Variants in CNTN6 observed in about 807,000 individuals in gnomAD.
CNTN6 encodes contactin 6.
In CNTN6, 137 loss-of-function variants were observed where a neutral mutation model predicts 122.8. That is an observed-to-expected ratio of 1.12 (90% CI 0.97 to 1.29). CNTN6 has a LOEUF of 1.29. CNTN6 is among the 50% of genes most tolerant of loss of function. The pLI is 0.00. For missense variants in CNTN6, 1,634 were observed against 1,223.4 expected, an observed-to-expected ratio of 1.34 and a Z score of -5.01; for synonymous variants, 570 against 426.0, an observed-to-expected ratio of 1.34 and a Z score of -4.16.
chr3:1,376,049 T>C (rs927712509), intron 16 of CNTN6, among the ~76,000 whole-genome samples: 2 of 152,118 alleles, frequency 1.3e-5, no homozygotes, highest in African/African-American at 4.8e-5. Flanking sequence ...ACCTCTCCTA[T>C]TGTTCAGACA....
intron 3 of CNTN6, among the ~76,000 whole-genome samples, chr3:1,225,386 C>G (rs982689000): frequency 6.6e-6 from 1 of 152,140 alleles, no homozygotes; most frequent in Non-Finnish European, 1.5e-5. Context: ...CCGTAGTGAT[C>G]AGAATGATTA....
intron 20 of CNTN6, 54 bp from the exon 21 acceptor site, chr3:1,401,379 C>T (rs1407691352): frequency 5.5e-6 from 8 of 1,442,652 alleles, no homozygotes; most frequent in East Asian, 4.6e-5. Context: ...ATGCATCATA[C>T]TTTGACCATG....
At chr3:1,098,530 CTTAT>C (rs1442739477) in intron 1 of CNTN6, among the ~76,000 whole-genome samples, 2 of 151,048 alleles carry the variant, frequency 1.3e-5, no homozygotes, top group African/African-American at 4.8e-5. Context: ...GATTTCCTGT[CTTAT>C]TTCACAGAGA....
chr3:1,315,908 T>C (rs975429489), intron 7 of CNTN6, among the ~76,000 whole-genome samples: 2 of 151,972 alleles, frequency 1.3e-5, no homozygotes, highest in African/African-American at 4.8e-5. Context: ...AGTGTGGAGA[T>C]CTGATTTCAG....
intron 5 of CNTN6, among the ~76,000 whole-genome samples, chr3:1,281,318 G>A (rs929073633): frequency 2.0e-5 from 3 of 152,010 alleles, no homozygotes; most frequent in Non-Finnish European, 4.4e-5. Flanking sequence ...TATATTCATG[G>A]GGGCAGACGG....
intron 1 of CNTN6, among the ~76,000 whole-genome samples, chr3:1,121,318 G>T (rs1330511692): frequency 1.3e-5 from 2 of 151,854 alleles, no homozygotes; most frequent in East Asian, 3.9e-4. Context: ...CAAGTTTTTT[G>T]AAATTGAATC....
intron 1 of CNTN6, among the ~76,000 whole-genome samples, chr3:1,130,123 T>G (rs940303582): frequency 6.6e-6 from 1 of 152,092 alleles, no homozygotes; most frequent in Non-Finnish European, 1.5e-5. Flanking sequence ...TTAGGGGTAA[T>G]AAGCTTGGTA....
chr3:1,350,893 T>C (rs994376648), intron 11 of CNTN6, among the ~76,000 whole-genome samples: 3 of 151,894 alleles, frequency 2.0e-5, no homozygotes, highest in Non-Finnish European at 4.4e-5. Flanking sequence ...GAATTATATT[T>C]GGCCTGAGTT....
intron 5 of CNTN6, among the ~76,000 whole-genome samples, chr3:1,294,669 G>T (rs557789733): frequency 6.6e-6 from 1 of 152,174 alleles, no homozygotes; most frequent in African/African-American, 2.4e-5. Context: ...TTATGCTCTT[G>T]ATAGTTACTC....
chr3:1,241,990 A>G (rs2125610837), intron 4 of CNTN6, among the ~76,000 whole-genome samples: 1 of 152,346 alleles, frequency 6.6e-6, no homozygotes, highest in South Asian at 2.1e-4. Flanking sequence ...AATTCCGACC[A>G]TGCTAACCAT....
chr3:1,385,741 A>C lies in CNTN6; in HGVS notation c.2648A>C (p.Asn883Thr). The C allele has an allele frequency of 6.2e-7, 1 of 1,614,104 alleles. No homozygotes were observed. ...TACTTTGCTTCCGTAAGAGCTTACA[A>C]CACTGCTGGGACAGGGCCCTCAAGC... is the stretch of plus-strand genomic sequence containing the variant. The part of the protein sequence containing the change: ...TIYFASVRAY[N>T]TAGTGPSSPP... Residue 883 changes from asparagine (N) to threonine (T), a missense_variant, in exon 20 of 23, where the codon AAC becomes ACC. By Grantham distance (65) the Asn-to-Thr change is moderately conservative. Coordinates refer to ENST00000446702, the MANE Select transcript of CNTN6 (RefSeq NM_001289080.2).
chr3:1,118,346 C>G (rs1009242699), intron 1 of CNTN6, among the ~76,000 whole-genome samples: 8 of 152,034 alleles, frequency 5.3e-5, no homozygotes, highest in Admixed American at 3.9e-4. Flanking sequence ...ATGACCTGTA[C>G]GGAATAGTAA....
chr3:1,220,868 A>G lies in CNTN6; in HGVS notation c.182+55A>G, dbSNP rs550570612. 1.1e-5 allele frequency: 17 copies of G among 1,517,786 alleles called. No homozygotes were observed. In the African/African-American group the frequency reaches 1.5e-4, roughly 14 times the overall value. The allele number at this position is 1,517,786 out of a possible 1,614,324, so 94.0% of individuals were successfully genotyped here. A position where few individuals can be genotyped will look rare whatever the true frequency, so the allele number is the denominator to read the frequency against. On this transcript the variant is annotated intron_variant, in intron 3 of 22. Transcript: ENST00000446702. ...TTTTGTTCTTCCTCACTGAACCAAA[A>G]CATACACAAAATAAAGTGTTTTATA... is the stretch of plus-strand genomic sequence containing the variant.
intron 2 of CNTN6, among the ~76,000 whole-genome samples, chr3:1,173,777 G>GAAA (rs34158436): frequency 1.4e-5 from 2 of 143,970 alleles, no homozygotes; most frequent in Admixed American, 7.0e-5. Flanking sequence ...TCCTTTTGGG[G>GAAA]AAAAAAAAAA....
intron 1 of CNTN6, among the ~76,000 whole-genome samples, chr3:1,118,366 G>T (rs1373568640): frequency 6.6e-6 from 1 of 152,104 alleles, no homozygotes; most frequent in Non-Finnish European, 1.5e-5. Context: ...ATGCTCACAA[G>T]CAAGAAGCAT....
Position 1,352,459 on chromosome 3 carries a change from A to G in CNTN6, c.1492+8A>G, listed in dbSNP as rs1705805494. 1 of 1,609,352 alleles carries G rather than the reference A, an allele frequency of 6.2e-7. No individual in the cohort carries two copies. ...GCAGCCTCATTGTAAAAGGTATCAT[A>G]TTATCTTCATTTGTGCTTGATGAAC... is the stretch of plus-strand genomic sequence containing the variant. On this transcript the variant is annotated splice_region_variant and intron_variant, in intron 12 of 22. Coordinates refer to ENST00000446702, the MANE Select transcript of CNTN6 (RefSeq NM_001289080.2).
rs1499118 is a variant in CNTN6, at chr3:1,324,969, G to A, written c.947-846G>A. Among the ~76,000 whole-genome samples the A allele has an allele frequency of 9.8e-5, 14 of 143,368 alleles. 1 individual carries two copies. The highest frequency in any genetic ancestry group is 3.2e-3 in the Middle Eastern group (1 of 312). The allele number at this position is 143,368 out of a possible 152,430, so 94.1% of individuals were successfully genotyped here. On this transcript the variant is annotated intron_variant, in intron 8 of 22. Coordinates refer to ENST00000446702, the MANE Select transcript of CNTN6 (RefSeq NM_001289080.2). Reference sequence around the variant, plus strand: ...CACAGCCTGAGAGTCCAAGGGAAGCGTCATATACTTCTGTATATCCAAGGA... The same window carrying A: ...CACAGCCTGAGAGTCCAAGGGAAGCATCATATACTTCTGTATATCCAAGGA...
intron 4 of CNTN6, among the ~76,000 whole-genome samples, chr3:1,251,460 T>C (rs1036463108): frequency 3.3e-5 from 5 of 152,184 alleles, no homozygotes; most frequent in African/African-American, 1.2e-4. Context: ...ACACTTCTTC[T>C]CATTAACTTT....
chr3:1,216,547 C>A (rs915240594), intron 2 of CNTN6, among the ~76,000 whole-genome samples: 1 of 152,202 alleles, frequency 6.6e-6, no homozygotes, highest in Non-Finnish European at 1.5e-5. Context: ...ACTCAAACAT[C>A]TTCAATCCAC....
Sources: gnomAD v4.1 joint callset for allele counts (sites outside exome capture counted in the v4.1 genomes callset) on GRCh38, gnomAD v4.1.1 for gene constraint, MANE v1.5 for transcripts, NCBI Gene and HGNC (gene_info 2026-07-23, HGNC 2026-07-21) for gene names.